Variants in FTO observed in about 807,000 individuals in gnomAD.
FTO encodes the protein FTO alpha-ketoglutarate dependent dioxygenase.
In FTO, 47 loss-of-function variants were observed where a neutral mutation model predicts 63.9. The observed-to-expected ratio is 0.74, with a 90% CI of 0.58 to 0.94. The LOEUF (loss-of-function observed/expected upper bound fraction) is 0.94, where lower values mean the gene tolerates loss of function less well. Ranked by LOEUF, FTO falls within the 40% of genes least tolerant of loss-of-function variation. The pLI is 0.00. For missense variants in FTO, 562 were observed against 618.1 expected (o/e 0.91, Z 0.96); for synonymous variants, 207 against 224.4 (o/e 0.92, Z 0.69).
intron 8 of FTO, among the ~76,000 whole-genome samples, chr16:54,078,919 A>G (rs34557350): frequency 0.011 from 1,616 of 152,250 alleles, 17 homozygotes; most frequent in Non-Finnish European, 0.016. Context: ...AAACAGAGAA[A>G]CAGTTTATAA....
chr16:54,104,654 A>G (rs1405994473), intron 8 of FTO, among the ~76,000 whole-genome samples: 4 of 152,132 alleles, frequency 2.6e-5, no homozygotes, highest in African/African-American at 9.7e-5. Flanking sequence ...GCTATTGCAC[A>G]TTAGGAGAAT....
At chr16:53,857,452 C>A (rs1172783320) in intron 4 of FTO, among the ~76,000 whole-genome samples, 1 of 151,194 alleles carries the variant, frequency 6.6e-6, no homozygotes, top group African/African-American at 2.4e-5. Flanking sequence ...CTCTCTCTCT[C>A]TCTCTCTCTC....
chr16:53,841,444 A>G (rs1381004041), intron 3 of FTO, among the ~76,000 whole-genome samples: 1 of 152,176 alleles, frequency 6.6e-6, no homozygotes, highest in Non-Finnish European at 1.5e-5. Flanking sequence ...AAGGTAAGAT[A>G]CTGTTAATAT....
At chr16:53,805,676 C>T (rs1397880340) in intron 1 of FTO, among the ~76,000 whole-genome samples, 1 of 152,146 alleles carries the variant, frequency 6.6e-6, no homozygotes, top group Admixed American at 6.5e-5. Flanking sequence ...TCTCGAACTC[C>T]TGAGCTCAGG....
chr16:53,878,507 A>C (rs2080732051), intron 5 of FTO, among the ~76,000 whole-genome samples: 6 of 152,156 alleles, frequency 3.9e-5, no homozygotes, highest in Admixed American at 3.9e-4. Context: ...AGGCTTGTTG[A>C]TGTCGCATTG....
At chr16:54,088,763 G>T (rs998719071) in intron 8 of FTO, among the ~76,000 whole-genome samples, 7 of 152,182 alleles carry the variant, frequency 4.6e-5, no homozygotes, top group African/African-American at 1.2e-4. Context: ...CGGTTATACA[G>T]ATCAGACCAT....
chr16:54,106,507 AT>A (rs2144615296), intron 8 of FTO, among the ~76,000 whole-genome samples: 1 of 144,046 alleles, frequency 6.9e-6, no homozygotes, highest in South Asian at 2.1e-4. Context: ...ATTGTATATA[AT>A]TATATGTATT....
At chr16:53,824,162 A>G (rs1438149563) in intron 2 of FTO, among the ~76,000 whole-genome samples, 1 of 152,230 alleles carries the variant, frequency 6.6e-6, no homozygotes, top group African/African-American at 2.4e-5. Context: ...TACATCCTCC[A>G]GTGCATCTAG....
intron 2 of FTO, among the ~76,000 whole-genome samples, chr16:53,812,958 G>A (rs1356171107): frequency 6.6e-6 from 1 of 152,112 alleles, no homozygotes; most frequent in Non-Finnish European, 1.5e-5. Flanking sequence ...AAGCCTTCTG[G>A]TGCATGATTA....
intron 8 of FTO, chr16:54,039,213 C>T (rs1399841932): frequency 4.6e-5 from 7 of 152,240 alleles, no homozygotes; most frequent in African/African-American, 1.4e-4. Context: ...GCTGCTCTTT[C>T]TAGCATTTTC....
chr16:54,028,191 A>C (rs1427625402), intron 8 of FTO, among the ~76,000 whole-genome samples: 4 of 152,214 alleles, frequency 2.6e-5, no homozygotes, highest in African/African-American at 9.7e-5. Flanking sequence ...ATTAGTTGAC[A>C]GTCGCTGCAG....
At position 54,115,343 on chromosome 16, in the gene FTO, A is replaced by G. The variant is rs2086967308; in HGVS notation, c.*3428A>G. 6.6e-6 allele frequency: 1 copy of G among 152,280 alleles called. No individual in the cohort carries two copies. Among genetic ancestry groups the G allele is most frequent in the Non-Finnish European group, 1.5e-5 (1 of 68,108 alleles). The allele number at this position is 152,280 out of a possible 1,614,324, so 9.4% of individuals were successfully genotyped here. On this transcript the variant is annotated 3_prime_UTR_variant, in exon 9 of 9. Transcript: ENST00000471389. ...AGGCAAGCCTGGGGACCCAAGACAG[A>G]TCTCTGCCTCCCAGGCTAGTGGATG...
chr16:53,780,730 A>G (rs1444367895), intron 1 of FTO, among the ~76,000 whole-genome samples: 2 of 152,198 alleles, frequency 1.3e-5, no homozygotes, highest in Non-Finnish European at 2.9e-5. Flanking sequence ...AGTTTCTGCT[A>G]TTAGACTGTC....
At chr16:53,967,849 G>A (rs1213563100) in intron 8 of FTO, among the ~76,000 whole-genome samples, 3 of 152,164 alleles carry the variant, frequency 2.0e-5, no homozygotes, top group African/African-American at 4.8e-5. Context: ...GGGCAAATCC[G>A]GTTTTGACGG....
chr16:53,824,470 G>A (rs56897002), intron 2 of FTO, among the ~76,000 whole-genome samples: 58,358 of 152,000 alleles, frequency 0.38, 11,592 homozygotes, highest in Middle Eastern at 0.51. Flanking sequence ...AAGATTTCCT[G>A]CTGGTTTGTT....
chr16:53,779,829 G>T (rs2077545271), intron 1 of FTO, among the ~76,000 whole-genome samples: 2 of 152,124 alleles, frequency 1.3e-5, no homozygotes, highest in Non-Finnish European at 1.5e-5. Flanking sequence ...GCTCTAGTAG[G>T]TGTTTTAGAC....
intron 8 of FTO, among the ~76,000 whole-genome samples, chr16:54,010,279 G>A (rs1944613334): frequency 6.6e-6 from 1 of 152,050 alleles, no homozygotes. Context: ...GAGTGTGGTG[G>A]TTCATGCCTA....
chr16:53,784,072 C>A (rs2077667826), intron 1 of FTO, among the ~76,000 whole-genome samples: 1 of 152,184 alleles, frequency 6.6e-6, no homozygotes, highest in Non-Finnish European at 1.5e-5. Context: ...GCAGCCAAAT[C>A]TAGCTAGATG....
chr16:53,772,266 G>T (rs2077356926), intron 1 of FTO, among the ~76,000 whole-genome samples: 1 of 151,848 alleles, frequency 6.6e-6, no homozygotes, highest in African/African-American at 2.4e-5. Context: ...CTCTAACAGG[G>T]CAAGTGCTTC....
Sources: allele counts gnomAD v4.1 joint callset (sites outside exome capture counted in the v4.1 genomes callset), GRCh38; gene constraint gnomAD v4.1.1; transcripts MANE v1.5; gene names NCBI Gene and HGNC (gene_info 2026-07-23, HGNC 2026-07-21).